The following EXOSC10 variants were observed in gnomAD, a reference collection of about 807,000 sequenced individuals.
EXOSC10 encodes exosome component 10.
A neutral mutation model predicts 126.6 loss-of-function variants in EXOSC10; 94 were observed. That is an observed-to-expected ratio of 0.74 (90% CI 0.63 to 0.88). The LOEUF (loss-of-function observed/expected upper bound fraction) is 0.88, where lower values mean the gene tolerates loss of function less well. Ranked by LOEUF, EXOSC10 falls within the 40% of genes least tolerant of loss-of-function variation. The probability of loss-of-function intolerance (pLI) is 0.00; values close to 1 mark genes in which losing one functional copy is unlikely to be tolerated. For missense variants in EXOSC10, 1,041 were observed against 1,100.5 expected (o/e 0.95, Z 0.77); for synonymous variants, 395 against 400.8 (o/e 0.99, Z 0.17).
intron 13 of EXOSC10, among the ~76,000 whole-genome samples, chr1:11,080,063 A>G (rs1640060677): frequency 6.6e-6 from 1 of 152,216 alleles, no homozygotes; most frequent in African/African-American, 2.4e-5. Flanking sequence ...GAGAGCTGAA[A>G]GTAAGTGCCA....
chr1:11,081,054 G>C (rs371605475), intron 11 of EXOSC10, 28 bp downstream of exon 11: 1 of 1,611,868 alleles, frequency 6.2e-7, no homozygotes, highest in Admixed American at 1.7e-5. Context: ...CAAGTGTCGC[G>C]GTCTGTGTGA....
intron 3 of EXOSC10, among the ~76,000 whole-genome samples, chr1:11,095,195 A>C (rs1335655212): frequency 1.4e-5 from 2 of 147,854 alleles, no homozygotes; most frequent in African/African-American, 5.0e-5. Flanking sequence ...CTGGGCAACC[A>C]AGCAAGACTC....
intron 17 of EXOSC10, among the ~76,000 whole-genome samples, chr1:11,074,644 C>T (rs1271610874): frequency 6.6e-6 from 1 of 152,150 alleles, no homozygotes; most frequent in East Asian, 1.9e-4. Flanking sequence ...AACTCCTGAC[C>T]TCAAGTGGTC....
chr1:11,085,933 G>C (rs1399668934), intron 9 of EXOSC10, among the ~76,000 whole-genome samples: 1 of 152,104 alleles, frequency 6.6e-6, no homozygotes, highest in Non-Finnish European at 1.5e-5. Flanking sequence ...TTATTGATTT[G>C]CGTATGTTGA....
intron 14 of EXOSC10, 106 bp downstream of exon 14, chr1:11,079,605 G>C (rs986732559): frequency 1.2e-6 from 1 of 867,980 alleles, no homozygotes. Flanking sequence ...TGTTGGCCAG[G>C]CTGGTCTCGA....
chr1:11,082,685 G>A lies in EXOSC10; in HGVS notation c.1280+3C>T, dbSNP rs761971759. The A allele has an allele frequency of 6.2e-7, 1 of 1,614,014 alleles. No individual in the cohort carries two copies. Among genetic ancestry groups the A allele is most frequent in the Admixed American group, 1.7e-5 (1 of 60,012 alleles). On this transcript the variant is annotated splice_donor_region_variant and intron_variant, in intron 10 of 24. Transcript: ENST00000376936. ...CACATTTCCTCAGTAAGAGCAAACT[G>A]ACCGTATTCTCCAATCAGCCAGCTG...
At chr1:11,089,184 T>C (rs576067483) in intron 6 of EXOSC10, among the ~76,000 whole-genome samples, 8 of 143,892 alleles carry the variant, frequency 5.6e-5, no homozygotes, top group South Asian at 2.2e-4. Context: ...TGAGCTATGA[T>C]TGCACTACGG....
At chr1:11,098,261 CA>C (rs1641226805) in intron 1 of EXOSC10, 105 bp from the exon 2 acceptor site, 25 of 1,351,998 alleles carry the variant, frequency 1.8e-5, no homozygotes, top group Middle Eastern at 2.1e-4. Context: ...CTTCATCCAT[CA>C]AAAAAAGCAC....
In EXOSC10 at chr1:11,082,685, G is replaced by T; in HGVS notation, c.1280+3C>A. 6.2e-7 allele frequency: 1 copy of T among 1,614,010 alleles called. No individual in the cohort carries two copies. The highest frequency in any genetic ancestry group is 1.1e-5 in the South Asian group (1 of 91,018). ...CACATTTCCTCAGTAAGAGCAAACT[G>T]ACCGTATTCTCCAATCAGCCAGCTG... On this transcript the variant is annotated splice_donor_region_variant and intron_variant, in intron 10 of 24. Transcript: ENST00000376936.
In EXOSC10 at chr1:11,066,718, CTA is replaced by C; in HGVS notation, c.2656_2657del (p.Ter886ValfsTer28). The C allele has an allele frequency of 6.2e-7, 1 of 1,614,244 alleles. No homozygotes were observed. Among genetic ancestry groups the C allele is most frequent in the Non-Finnish European group, 8.5e-7 (1 of 1,180,030 alleles). The part of the protein sequence containing the change: ...RGFRYNWPQR[*>X] ...CACAGGCGCCACGTGTCTTCCAGGA[CTA>C]TCTCTGTGGCCAGTTGTACCTGAAG... On this transcript the variant is annotated frameshift_variant and stop_lost, in exon 25 of 25. Coordinates refer to ENST00000376936, the MANE Select transcript of EXOSC10 (RefSeq NM_001001998.3). LOFTEE classifies it high-confidence loss of function.
chr1:11,081,854 G>A (rs1473385733), intron 10 of EXOSC10, among the ~76,000 whole-genome samples: 9 of 152,012 alleles, frequency 5.9e-5, no homozygotes, highest in African/African-American at 1.9e-4. Flanking sequence ...AGGCGGAGGC[G>A]GGAGGATCAC....
intron 7 of EXOSC10, 73 bp downstream of exon 7, chr1:11,088,050 C>T (rs1640598850): frequency 7.4e-7 from 1 of 1,357,234 alleles, no homozygotes; most frequent in African/African-American, 1.5e-5. Flanking sequence ...GTCAAAATTG[C>T]ATCAATGAAT....
intron 6 of EXOSC10, among the ~76,000 whole-genome samples, chr1:11,089,243 A>C (rs1332635939): frequency 2.6e-5 from 4 of 151,344 alleles, no homozygotes; most frequent in Non-Finnish European, 4.4e-5. Flanking sequence ...AAAAAAAAAA[A>C]AGTGAGCCTT....
chr1:11,094,898 C>A (rs1640989807), intron 3 of EXOSC10, among the ~76,000 whole-genome samples: 1 of 151,984 alleles, frequency 6.6e-6, no homozygotes, highest in Non-Finnish European at 1.5e-5. Context: ...CCACACCTGG[C>A]TGGAATAAGG....
At chr1:11,099,006 G>C (rs1641272202) in intron 1 of EXOSC10, among the ~76,000 whole-genome samples, 1 of 152,196 alleles carries the variant, frequency 6.6e-6, no homozygotes, top group Admixed American at 6.5e-5. Flanking sequence ...GAACTATTGA[G>C]AGCCATGTTA....
chr1:11,076,430 C>T (rs1267907462), intron 17 of EXOSC10, among the ~76,000 whole-genome samples: 1 of 152,182 alleles, frequency 6.6e-6, no homozygotes, highest in Non-Finnish European at 1.5e-5. Flanking sequence ...GGGCAGCGCA[C>T]ATTCTACAGT....
chr1:11,098,139 C>T lies in EXOSC10; in HGVS notation c.129G>A (p.Val43=), dbSNP rs1172132575. ...DSFVKFALGS[V]VAVTKASGGL... ...CCCCAGATGCCTTGGTGACTGCCAC[C>T]ACGGACCCAAGAGCAAACTGTCAAA... is the stretch of plus-strand genomic sequence containing the variant. The change falls in exon 2 of 25, where the codon GTG becomes GTA. Residue 43 remains valine, a synonymous_variant. Transcript: ENST00000376936. 6.2e-7 allele frequency: 1 copy of T among 1,607,980 alleles called. No individual in the cohort carries two copies. Among genetic ancestry groups the T allele is most frequent in the Admixed American group, 1.7e-5 (1 of 58,100 alleles).
At chr1:11,095,963 G>C (rs576525975) in intron 2 of EXOSC10, 82 bp from the exon 3 acceptor site, 12 of 1,483,078 alleles carry the variant, frequency 8.1e-6, no homozygotes, top group Middle Eastern at 3.6e-4. Flanking sequence ...TTCAAATGAT[G>C]TGGCTCAGAC....
chr1:11,078,845 C>T (rs1639974618), intron 14 of EXOSC10, among the ~76,000 whole-genome samples: 1 of 152,204 alleles, frequency 6.6e-6, no homozygotes, highest in Non-Finnish European at 1.5e-5. Flanking sequence ...ACAGTACTTG[C>T]TGCTGAATCA....
Sources: gnomAD v4.1 joint callset for allele counts (sites outside exome capture counted in the v4.1 genomes callset) on GRCh38, gnomAD v4.1.1 for gene constraint, MANE v1.5 for transcripts, NCBI Gene and HGNC (gene_info 2026-07-23, HGNC 2026-07-21) for gene names.